MEIS1: variants seen among roughly 807,000 people sequenced by gnomAD.
MEIS1 encodes the protein Meis homeobox 1.
Under a neutral mutation model 50.8 loss-of-function variants are expected in MEIS1, and 5 were observed. The ratio of observed to expected loss-of-function variants is 0.10; its 90% CI spans 0.05 to 0.21. The LOEUF is 0.21. Ranked by LOEUF, MEIS1 falls within the 10% of genes least tolerant of loss-of-function variation. The pLI, the probability that MEIS1 is intolerant of heterozygous loss-of-function variation, is 1.00. For missense variants in MEIS1, 318 were observed against 517.3 expected, an observed-to-expected ratio of 0.61 and a Z score of 3.74; for synonymous variants, 176 against 179.3, an observed-to-expected ratio of 0.98 and a Z score of 0.15.
At chr2:66,487,032 A>G (rs1673159864) in intron 7 of MEIS1, among the ~76,000 whole-genome samples, 1 of 152,186 alleles carries the variant, frequency 6.6e-6, no homozygotes, top group African/African-American at 2.4e-5. Context: ...CAATCATGTC[A>G]TCTGCAAACA....
In MEIS1 at chr2:66,437,660, T is replaced by C; in HGVS notation, c.13-77T>C. The stretch of plus-strand genomic sequence containing the variant: ...AGGACCCAGCTGTATTGACCTTATA[T>C]AAGCTCGGTGCCTTGCCGTTCTCCC... On this transcript the variant is annotated intron_variant, in intron 1 of 12. Transcript: ENST00000272369. 3 of 1,337,482 alleles carry C rather than the reference T, an allele frequency of 2.2e-6. No individual in the cohort carries two copies. In the South Asian group the frequency reaches 3.7e-5, roughly 16 times the overall value. The allele number at this position is 1,337,482 out of a possible 1,614,324, so 82.9% of individuals were successfully genotyped here.
intron 8 of MEIS1, among the ~76,000 whole-genome samples, chr2:66,531,351 C>G (rs769106016): frequency 4.6e-5 from 7 of 152,218 alleles, no homozygotes; most frequent in Admixed American, 6.5e-5. Context: ...GTGTGATCAT[C>G]AGGTCACAGA....
At chr2:66,547,459 C>T (rs1374784365) in intron 8 of MEIS1, among the ~76,000 whole-genome samples, 1 of 151,902 alleles carries the variant, frequency 6.6e-6, no homozygotes, top group East Asian at 1.9e-4. Flanking sequence ...TAATAGCACC[C>T]ACTTTAGATT....
chr2:66,439,601 C>T (rs750958478), intron 2 of MEIS1: 9 of 1,536,330 alleles, frequency 5.9e-6, no homozygotes, highest in East Asian at 4.9e-5. Context: ...CGGCCAGATA[C>T]GCTAAACCGA....
In MEIS1 at chr2:66,436,205, T is replaced by A. The variant is rs186639469; in HGVS notation, c.12+337T>A. Among the ~76,000 whole-genome samples the A allele has an allele frequency of 3.1e-3, 473 of 152,322 alleles. 1 individual carries two copies. Among genetic ancestry groups the A allele is most frequent in the Middle Eastern group, 6.8e-3 (2 of 294 alleles). On this transcript the variant is annotated intron_variant, in intron 1 of 12. Coordinates refer to ENST00000272369, the MANE Select transcript of MEIS1 (RefSeq NM_002398.3). ...TTCAGAGATCAGAAGTTTAAAGTTA[T>A]GTTTAAACTAAAATATGCAGCTGGA...
intron 6 of MEIS1, among the ~76,000 whole-genome samples, chr2:66,444,632 A>G (rs890082789): frequency 6.6e-6 from 1 of 152,208 alleles, no homozygotes; most frequent in Non-Finnish European, 1.5e-5. Flanking sequence ...GAAGTGGGAA[A>G]ACTGCAGGCG....
chr2:66,566,232 C>T (rs1675344609), intron 9 of MEIS1, among the ~76,000 whole-genome samples: 2 of 152,126 alleles, frequency 1.3e-5, no homozygotes, highest in African/African-American at 4.8e-5. Context: ...TGAAAGAACA[C>T]AAGGATACAG....
intron 7 of MEIS1, among the ~76,000 whole-genome samples, chr2:66,497,295 G>A (rs1278252561): frequency 2.6e-5 from 4 of 152,164 alleles, no homozygotes; most frequent in African/African-American, 7.2e-5. Context: ...TATCTGTATA[G>A]CAGCCTATTT....
intron 7 of MEIS1, among the ~76,000 whole-genome samples, chr2:66,477,740 G>T (rs896132546): frequency 6.6e-6 from 1 of 152,172 alleles, no homozygotes; most frequent in African/African-American, 2.4e-5. Flanking sequence ...AGTATTTGCA[G>T]AATAGATGTT....
At chr2:66,461,082 G>A (rs1672507614) in intron 6 of MEIS1, among the ~76,000 whole-genome samples, 1 of 152,108 alleles carries the variant, frequency 6.6e-6, no homozygotes, top group African/African-American at 2.4e-5. Context: ...TTAAAACCAT[G>A]ACTAAGGTTT....
intron 2 of MEIS1, 121 bp from the exon 3 acceptor site, chr2:66,439,722 A>G (rs1671904134): frequency 1.9e-6 from 3 of 1,568,310 alleles, no homozygotes; most frequent in African/African-American, 2.7e-5. Flanking sequence ...AAAAAAGTAG[A>G]TGACACAATC....
In MEIS1 at chr2:66,571,542, T is replaced by G; in HGVS notation, c.*334T>G. On this transcript the variant is annotated 3_prime_UTR_variant, in exon 13 of 13. Transcript: ENST00000272369. ...TCATGCTCAGTAGCTTAAGGGAATA[T>G]GCATTGTCTGCAATGGTGACTGATT... 1 of 1,554,480 alleles carries G rather than the reference T, an allele frequency of 6.4e-7. No individual in the cohort carries two copies. Among genetic ancestry groups the G allele is most frequent in the South Asian group, 1.2e-5 (1 of 84,282 alleles).
intron 6 of MEIS1, among the ~76,000 whole-genome samples, chr2:66,463,818 G>A (rs1672575039): frequency 6.6e-6 from 1 of 152,124 alleles, no homozygotes; most frequent in South Asian, 2.1e-4. Flanking sequence ...AATCAGTGGC[G>A]GCATTTTGTT....
chr2:66,568,521 A>G, intron 10 of MEIS1, 146 bp from the exon 11 acceptor site: 1 of 481,322 alleles, frequency 2.1e-6, no homozygotes, highest in Non-Finnish European at 3.6e-6. Flanking sequence ...AGTCTGAGAG[A>G]AATTTCACTT....
At chr2:66,519,982 C>T (rs1379233955) in intron 8 of MEIS1, among the ~76,000 whole-genome samples, 2 of 152,018 alleles carry the variant, frequency 1.3e-5, no homozygotes, top group Non-Finnish European at 1.5e-5. Flanking sequence ...GCTAGCATCC[C>T]TGCAGTACCC....
chr2:66,444,569 TGTA>T, intron 6 of MEIS1, among the ~76,000 whole-genome samples: 1 of 152,192 alleles, frequency 6.6e-6, no homozygotes. Flanking sequence ...CTTTCGGCAG[TGTA>T]GTCCATTGCA....
chr2:66,568,779 G>A, intron 11 of MEIS1, 23 bp downstream of exon 11: 2 of 1,599,882 alleles, frequency 1.3e-6, no homozygotes, highest in Admixed American at 1.7e-5. Flanking sequence ...TTTTGTGGTA[G>A]TTCCTCATTT....
chr2:66,464,059 A>G, intron 6 of MEIS1, 50 bp from the exon 7 acceptor site: 1 of 1,342,226 alleles, frequency 7.5e-7, no homozygotes, highest in Non-Finnish European at 1.0e-6. Flanking sequence ...TCCTACCAAT[A>G]AGGGTTCACA....
chr2:66,546,922 A>G (rs1244556440), intron 8 of MEIS1, among the ~76,000 whole-genome samples: 4 of 152,198 alleles, frequency 2.6e-5, no homozygotes, highest in East Asian at 1.9e-4. Context: ...TTAGCATTCA[A>G]TAGACGACAA....
Sources: allele counts gnomAD v4.1 joint callset (sites outside exome capture counted in the v4.1 genomes callset), GRCh38; gene constraint gnomAD v4.1.1; transcripts MANE v1.5; gene names NCBI Gene and HGNC (gene_info 2026-07-23, HGNC 2026-07-21).